The following C6 variants were observed in gnomAD, a reference collection of about 807,000 sequenced individuals.
C6 encodes complement C6.
Under a neutral mutation model 112.9 loss-of-function variants are expected in C6, and 101 were observed. The observed-to-expected ratio is 0.89, with a 90% confidence interval of 0.76 to 1.06. C6 has a LOEUF of 1.06. Ranked by LOEUF, C6 falls within the 50% of genes least tolerant of loss-of-function variation. The pLI is 0.00. For missense variants in C6, 1,202 were observed against 1,104.6 expected, an observed-to-expected ratio of 1.09 and a Z score of -1.25; for synonymous variants, 431 against 384.1, an observed-to-expected ratio of 1.12 and a Z score of -1.43.
chr5:41,203,757 A>C (rs1435353911), intron 1 of C6: 1 of 168,330 alleles, frequency 5.9e-6, no homozygotes. Context: ...AAAGTCAGAG[A>C]AATAAGAGCT....
intron 1 of C6, among the ~76,000 whole-genome samples, chr5:41,220,173 C>G (rs938542952): frequency 6.6e-6 from 1 of 152,118 alleles, no homozygotes; most frequent in African/African-American, 2.4e-5. Flanking sequence ...CCATGTTTTT[C>G]AAACACTTGC....
intron 1 of C6, among the ~76,000 whole-genome samples, chr5:41,225,279 T>C (rs1383315764): frequency 6.6e-6 from 1 of 151,626 alleles, no homozygotes. Context: ...TGTGTTCTCA[T>C]TGTTCACTTC....
intron 1 of C6, among the ~76,000 whole-genome samples, chr5:41,235,518 A>C (rs1376429282): frequency 6.9e-6 from 1 of 144,784 alleles, no homozygotes; most frequent in East Asian, 2.1e-4. Flanking sequence ...GCTATTGTGA[A>C]TAATGCTGCA....
At chr5:41,230,754 TC>T (rs762431011) in intron 1 of C6, among the ~76,000 whole-genome samples, 5 of 152,032 alleles carry the variant, frequency 3.3e-5, no homozygotes, top group Admixed American at 6.6e-5. Flanking sequence ...CAGCTTGGGG[TC>T]GTCATCACAG....
intron 8 of C6, among the ~76,000 whole-genome samples, chr5:41,173,264 C>A (rs749921447): frequency 3.3e-5 from 5 of 152,170 alleles, no homozygotes; most frequent in Non-Finnish European, 5.9e-5. Context: ...CCTCATTATT[C>A]TCCTTTATCA....
chr5:41,199,986 C>T (rs2150362521), intron 3 of C6, 74 bp from the exon 4 acceptor site: 7 of 1,360,400 alleles, frequency 5.1e-6, no homozygotes, highest in Admixed American at 1.7e-5. Flanking sequence ...AAACTGGGCT[C>T]CTCAATCACA....
At chr5:41,227,220 GT>G (rs1235042793) in intron 1 of C6, among the ~76,000 whole-genome samples, 2 of 151,954 alleles carry the variant, frequency 1.3e-5, no homozygotes. Flanking sequence ...ATGTTGGGCA[GT>G]TTTTCAAATT....
At chr5:41,187,699 T>C (rs9716099) in intron 5 of C6, among the ~76,000 whole-genome samples, 7 of 123,330 alleles carry the variant, frequency 5.7e-5, no homozygotes, top group South Asian at 2.4e-4. Context: ...GACACACACA[T>C]ACACACACAC....
At chr5:41,169,828 G>A (rs919553727) in intron 9 of C6, among the ~76,000 whole-genome samples, 6 of 152,100 alleles carry the variant, frequency 3.9e-5, no homozygotes, top group Admixed American at 3.3e-4. Context: ...CAACATTGGG[G>A]ATTACAATTC....
chr5:41,172,621 C>T (rs1318928420), intron 8 of C6: 4 of 509,422 alleles, frequency 7.9e-6, no homozygotes, highest in Non-Finnish European at 1.4e-5. Context: ...CCATTTTGGC[C>T]CTTCCCATGG....
At chr5:41,205,242 G>A (rs61115205) in intron 1 of C6, among the ~76,000 whole-genome samples, 3,639 of 152,204 alleles carry the variant, frequency 0.024, 160 homozygotes, top group African/African-American at 0.083. Flanking sequence ...TAAAAATGAG[G>A]GGCTTTTGGG....
upstream of C6, among the ~76,000 whole-genome samples, chr5:41,217,818 GA>G (rs113310190): frequency 6.2e-3 from 939 of 150,530 alleles, 8 homozygotes; most frequent in African/African-American, 0.022. Flanking sequence ...GGAAAAGGCA[GA>G]AAAAAAAAGC....
chr5:41,173,992 G>A (rs572945675), intron 8 of C6, among the ~76,000 whole-genome samples: 4 of 152,290 alleles, frequency 2.6e-5, no homozygotes, highest in African/African-American at 9.6e-5. Context: ...TGCATTTATA[G>A]TGCATGACTC....
At chr5:41,145,158 T>A (rs981446687) in intron 17 of C6, among the ~76,000 whole-genome samples, 7 of 152,192 alleles carry the variant, frequency 4.6e-5, no homozygotes, top group Non-Finnish European at 1.0e-4. Context: ...AGGAATTCTG[T>A]TTTAAGTTCT....
chr5:41,147,453 A>G (rs776013762), intron 17 of C6, among the ~76,000 whole-genome samples: 1 of 152,102 alleles, frequency 6.6e-6, no homozygotes, highest in Non-Finnish European at 1.5e-5. Flanking sequence ...TCATGTTTCA[A>G]TCTTGTGGCC....
intron 1 of C6, among the ~76,000 whole-genome samples, chr5:41,226,434 A>G (rs905685141): frequency 6.6e-6 from 1 of 152,210 alleles, no homozygotes; most frequent in Non-Finnish European, 1.5e-5. Flanking sequence ...AATGGCGATC[A>G]TTAAAAAGTC....
intron 1 of C6, among the ~76,000 whole-genome samples, chr5:41,256,110 A>G (rs540072510): frequency 1.3e-5 from 2 of 152,254 alleles, no homozygotes; most frequent in South Asian, 4.1e-4. Flanking sequence ...CCTACAAAGG[A>G]CATGAACTCA....
Position 41,203,137 on chromosome 5 carries a change from A to T in C6, c.94T>A (p.Trp32Arg), listed in dbSNP as rs1319783111. ...TTGCAAGTTTTTGAGCAGCTGGTCC[A>T]CTGAGTCCATGCATAGTGATCACAG... ...CFCDHYAWTQ[W>R]TSCSKTCNSG... The change falls in exon 2 of 18, where the codon TGG becomes AGG. Residue 32 changes from tryptophan to arginine, a missense_variant. Coordinates refer to ENST00000337836, the MANE Select transcript of C6 (RefSeq NM_000065.5). The T allele has an allele frequency of 6.2e-7, 1 of 1,614,006 alleles. No individual in the cohort carries two copies. Among genetic ancestry groups the T allele is most frequent in the African/African-American group, 1.3e-5 (1 of 74,934 alleles).
chr5:41,199,736 T>G (rs762690442), intron 4 of C6, 32 bp downstream of exon 4: 1 of 1,607,132 alleles, frequency 6.2e-7, no homozygotes, highest in East Asian at 2.2e-5. Context: ...CTATTTTTAG[T>G]GGGGACTGAA....
Sources: allele counts gnomAD v4.1 joint callset (sites outside exome capture counted in the v4.1 genomes callset), GRCh38; gene constraint gnomAD v4.1.1; transcripts MANE v1.5; gene names NCBI Gene and HGNC (gene_info 2026-07-23, HGNC 2026-07-21).